MNAT1: variants seen among roughly 807,000 people sequenced by gnomAD.
The protein encoded by MNAT1 is CDK-activating kinase assembly factor MAT1.
A neutral mutation model predicts 42.0 loss-of-function variants in MNAT1; 43 were observed. That is an observed-to-expected ratio of 1.02 (90% CI 0.80 to 1.32). The LOEUF is 1.32. Among genes scored for constraint, MNAT1 ranks in the 40% most tolerant of loss-of-function variants. The probability of loss-of-function intolerance (pLI) is 0.00; values close to 1 mark genes in which losing one functional copy is unlikely to be tolerated. For missense variants in MNAT1, 306 were observed against 350.4 expected (o/e 0.87, Z 1.01); for synonymous variants, 118 against 120.0 (o/e 0.98, Z 0.11).
chr14:60,873,834 C>A (rs912700324), intron 6 of MNAT1, among the ~76,000 whole-genome samples: 4 of 152,100 alleles, frequency 2.6e-5, no homozygotes, highest in Non-Finnish European at 4.4e-5. Context: ...TTACTAATTT[C>A]TCTTTAAACA....
At chr14:60,747,992 C>T (rs899821679) in intron 1 of MNAT1, among the ~76,000 whole-genome samples, 2 of 152,036 alleles carry the variant, frequency 1.3e-5, no homozygotes, top group East Asian at 1.9e-4. Context: ...GTCAGGAGAT[C>T]GAGACCATCC....
chr14:60,968,671 TTTATA>T lies in MNAT1; in HGVS notation c.*326_*330del. ...ATCTTTTTAAAAAATAAAGCTATAA[TTTATA>T]TTAAGTTCTGTGGTTTTTCTCTTAT... On this transcript the variant is annotated 3_prime_UTR_variant, in exon 8 of 8. Transcript: ENST00000261245. 1 of 489,914 alleles carries T rather than the reference TTTATA, an allele frequency of 2.0e-6. No homozygotes were observed. Among genetic ancestry groups the T allele is most frequent in the South Asian group, 2.1e-5 (1 of 47,038 alleles). The allele number at this position is 489,914 out of a possible 1,614,324, so 30.3% of individuals were successfully genotyped here.
intron 7 of MNAT1, among the ~76,000 whole-genome samples, chr14:60,946,232 A>G (rs1009051442): frequency 1.3e-5 from 2 of 152,184 alleles, no homozygotes; most frequent in African/African-American, 4.8e-5. Context: ...CGCTTCATCA[A>G]CCCTGAATCT....
Position 60,910,231 on chromosome 14 carries a change from T to C in MNAT1, c.809+30396T>C, listed in dbSNP as rs147275423. Among the ~76,000 whole-genome samples, 790 of 152,166 alleles carry C rather than the reference T, an allele frequency of 5.2e-3. 14 individuals carry two copies. The highest frequency in any genetic ancestry group is 0.018 in the African/African-American group (738 of 41,494). ...AGCTTAAGGAGATTTTGGGCCGAGA[T>C]GATGGGGTTTTCTAGATATACAATC... On this transcript the variant is annotated intron_variant, in intron 7 of 7. Coordinates refer to ENST00000261245, the MANE Select transcript of MNAT1 (RefSeq NM_002431.4).
At chr14:60,953,416 A>G (rs2036420440) in intron 7 of MNAT1, among the ~76,000 whole-genome samples, 1 of 152,110 alleles carries the variant, frequency 6.6e-6, no homozygotes, top group Non-Finnish European at 1.5e-5. Context: ...AAGCAACAAT[A>G]TTATTGTTGG....
intron 7 of MNAT1, among the ~76,000 whole-genome samples, chr14:60,907,082 C>G (rs1020289235): frequency 1.3e-5 from 2 of 152,036 alleles, no homozygotes; most frequent in African/African-American, 4.8e-5. Flanking sequence ...TTTTAACTCC[C>G]CTATGGTACT....
At chr14:60,736,970 G>T (rs1230112941) in intron 1 of MNAT1, among the ~76,000 whole-genome samples, 1 of 152,068 alleles carries the variant, frequency 6.6e-6, no homozygotes, top group East Asian at 1.9e-4. Context: ...GCACAATAAT[G>T]ATTAGCTTTA....
chr14:60,755,031 ACT>A (rs1395515671), intron 1 of MNAT1, among the ~76,000 whole-genome samples: 1 of 151,920 alleles, frequency 6.6e-6, no homozygotes, highest in Non-Finnish European at 1.5e-5. Context: ...ACAAAATCTC[ACT>A]CTGTTGCCTG....
intron 6 of MNAT1, among the ~76,000 whole-genome samples, chr14:60,850,742 T>C (rs192617424): frequency 1.3e-5 from 2 of 152,122 alleles, no homozygotes; most frequent in Non-Finnish European, 2.9e-5. Context: ...ACATGGTAGA[T>C]TAACTTAAAA....
At chr14:60,910,085 A>G (rs2035312861) in intron 7 of MNAT1, among the ~76,000 whole-genome samples, 1 of 152,190 alleles carries the variant, frequency 6.6e-6, no homozygotes. Flanking sequence ...TCTTTGAAGC[A>G]ATTATGAATG....
At chr14:60,764,110 T>C (rs1392810231) in intron 1 of MNAT1, among the ~76,000 whole-genome samples, 1 of 152,222 alleles carries the variant, frequency 6.6e-6, no homozygotes, top group Non-Finnish European at 1.5e-5. Context: ...GATCACTTTT[T>C]AATGCGGTTA....
chr14:60,736,878 T>G (rs750848074), intron 1 of MNAT1, among the ~76,000 whole-genome samples: 1 of 152,192 alleles, frequency 6.6e-6, no homozygotes, highest in Admixed American at 6.5e-5. Context: ...GGCTATTTTA[T>G]TATTATTATT....
chr14:60,967,768 G>A (rs1055052445), intron 7 of MNAT1, among the ~76,000 whole-genome samples: 10 of 152,102 alleles, frequency 6.6e-5, no homozygotes, highest in African/African-American at 1.9e-4. Context: ...TAACTCATAC[G>A]TTTTCTCCCC....
In MNAT1 at chr14:60,741,265, T is replaced by A. The variant is rs144364820; in HGVS notation, c.89+6314T>A. 4.5e-3 allele frequency among the ~76,000 whole-genome samples: 682 copies of A among 152,310 alleles called. 9 individuals carry two copies. The highest frequency in any genetic ancestry group is 0.015 in the African/African-American group (610 of 41,586). ...TAATATCAGTGGCACAATCATAAAC[T>A]CCTGGGCTCAAATGATCCTCCTGCC... On this transcript the variant is annotated intron_variant, in intron 1 of 7. Coordinates refer to ENST00000261245, the MANE Select transcript of MNAT1 (RefSeq NM_002431.4).
intron 7 of MNAT1, among the ~76,000 whole-genome samples, chr14:60,889,723 A>G (rs2139483499): frequency 6.6e-6 from 1 of 152,350 alleles, no homozygotes. Context: ...GCTAATATCC[A>G]GAATCTACAA....
At chr14:60,876,516 G>A (rs1410386098) in intron 6 of MNAT1, among the ~76,000 whole-genome samples, 6 of 151,930 alleles carry the variant, frequency 3.9e-5, no homozygotes, top group East Asian at 1.9e-4. Flanking sequence ...TATCACCACC[G>A]TTCATTTCCA....
At chr14:60,775,392 G>C (rs2031212243) in intron 1 of MNAT1, among the ~76,000 whole-genome samples, 1 of 152,198 alleles carries the variant, frequency 6.6e-6, no homozygotes, top group Non-Finnish European at 1.5e-5. Context: ...AAAGAGAATG[G>C]GACATAGCAG....
chr14:60,810,001 T>TACTG (rs1278719012), intron 4 of MNAT1, among the ~76,000 whole-genome samples: 58 of 152,250 alleles, frequency 3.8e-4, no homozygotes, highest in Admixed American at 2.1e-3. Flanking sequence ...GAGGTGTGAT[T>TACTG]ACTGATTCAG....
chr14:60,926,272 A>G lies in MNAT1; in HGVS notation c.810-41957A>G, dbSNP rs947381107. On this transcript the variant is annotated intron_variant, in intron 7 of 7. Coordinates refer to ENST00000261245, the MANE Select transcript of MNAT1 (RefSeq NM_002431.4). ...GGGGTTTTCCCCCCACACACCAACC[A>G]AAGCAGTTCTCCAGTCCAGTAGACA... 7.9e-5 allele frequency among the ~76,000 whole-genome samples: 12 copies of G among 152,194 alleles called. 2 individuals carry two copies. The highest frequency in any genetic ancestry group is 1.8e-4 in the Non-Finnish European group (12 of 68,018).
Sources: gnomAD v4.1 joint callset for allele counts (sites outside exome capture counted in the v4.1 genomes callset) on GRCh38, gnomAD v4.1.1 for gene constraint, MANE v1.5 for transcripts, NCBI Gene and HGNC (gene_info 2026-07-23, HGNC 2026-07-21) for gene names.